Variants in ADAM12 observed in about 807,000 individuals in gnomAD.
ADAM12 encodes the protein disintegrin and metalloproteinase domain-containing protein 12.
In ADAM12, 70 loss-of-function variants were observed where a neutral mutation model predicts 106.4. The observed-to-expected ratio is 0.66, with a 90% CI of 0.54 to 0.80. The LOEUF (loss-of-function observed/expected upper bound fraction) is 0.80. Among genes scored for constraint, ADAM12 ranks in the 30% least tolerant of loss-of-function variants. The pLI is 0.00. For missense variants in ADAM12, 1,010 were observed against 1,171.9 expected, an observed-to-expected ratio of 0.86 and a Z score of 2.02; for synonymous variants, 420 against 433.5, an observed-to-expected ratio of 0.97 and a Z score of 0.39.
chr10:126,376,945 A>G (rs1392192508), intron 1 of ADAM12, among the ~76,000 whole-genome samples: 1 of 152,248 alleles, frequency 6.6e-6, no homozygotes, highest in Non-Finnish European at 1.5e-5. Flanking sequence ...GGAGGTAGAT[A>G]TGATCTTTAT....
intron 3 of ADAM12, among the ~76,000 whole-genome samples, chr10:126,190,120 T>G (rs1957470997): frequency 6.6e-6 from 1 of 152,144 alleles, no homozygotes; most frequent in African/African-American, 2.4e-5. Context: ...ACATCCCATC[T>G]GTCTATCCAG....
chr10:126,067,129 G>A (rs976548511), intron 12 of ADAM12: 7 of 302,214 alleles, frequency 2.3e-5, no homozygotes, highest in Middle Eastern at 1.1e-3. Flanking sequence ...GTGTCCAGGC[G>A]GATCTCATTG....
intron 3 of ADAM12, among the ~76,000 whole-genome samples, chr10:126,202,390 T>C (rs1177203866): frequency 1.3e-5 from 2 of 152,250 alleles, no homozygotes; most frequent in East Asian, 3.8e-4. Flanking sequence ...TTTGTATAAA[T>C]TTAATGACTA....
chr10:126,017,495 C>G (rs1953681650), intron 22 of ADAM12, among the ~76,000 whole-genome samples, 156 bp from the exon 23 acceptor site: 1 of 152,130 alleles, frequency 6.6e-6, no homozygotes, highest in Non-Finnish European at 1.5e-5. Flanking sequence ...AACCTGTCTC[C>G]AAAGCCGCAC....
At chr10:126,299,784 T>C (rs1490437152) in intron 2 of ADAM12, among the ~76,000 whole-genome samples, 2 of 152,042 alleles carry the variant, frequency 1.3e-5, no homozygotes, top group Non-Finnish European at 2.9e-5. Context: ...CCTGGGATTA[T>C]AGGTGCCCAC....
At chr10:126,149,005 C>T (rs1956680452) in intron 4 of ADAM12, among the ~76,000 whole-genome samples, 1 of 152,170 alleles carries the variant, frequency 6.6e-6, no homozygotes, top group South Asian at 2.1e-4. Context: ...TGCAGCCACT[C>T]CCCAGTTAGC....
chr10:126,255,075 A>G (rs1278986814), intron 3 of ADAM12, among the ~76,000 whole-genome samples: 1 of 152,162 alleles, frequency 6.6e-6, no homozygotes, highest in Admixed American at 6.5e-5. Context: ...CAGCTTGGAC[A>G]GCTTTGGGGC....
intron 1 of ADAM12, among the ~76,000 whole-genome samples, chr10:126,361,701 C>T (rs1440329965): frequency 1.3e-5 from 2 of 152,084 alleles, no homozygotes; most frequent in African/African-American, 4.8e-5. Flanking sequence ...GCAGTCTCTT[C>T]AATAAATGGT....
intron 1 of ADAM12, among the ~76,000 whole-genome samples, chr10:126,368,348 T>TAAAAAAAAAAAAAAAAAAACAA (rs1186566541): frequency 7.1e-6 from 1 of 141,084 alleles, no homozygotes; most frequent in Non-Finnish European, 1.5e-5. Flanking sequence ...GCTTAGATTG[T>TAAAAAAAAAAAAAAAAAAACAA]GTGATTTGTT....
At chr10:126,132,535 C>CG (rs1491456698) in intron 5 of ADAM12, among the ~76,000 whole-genome samples, 5 of 123,668 alleles carry the variant, frequency 4.0e-5, no homozygotes, top group Non-Finnish European at 8.8e-5. Context: ...CCCCCCCCCC[C>CG]TCAACTAGTC....
chr10:126,180,912 G>T (rs1269384254), intron 3 of ADAM12, among the ~76,000 whole-genome samples: 1 of 152,130 alleles, frequency 6.6e-6, no homozygotes, highest in Non-Finnish European at 1.5e-5. Flanking sequence ...TTCTAGAGGA[G>T]GAAGAAGTAC....
At position 126,120,907 on chromosome 10, in the gene ADAM12, A is replaced by ATTAC. The variant is rs1956072603; in HGVS notation, c.417-2684_417-2683insGTAA. Among the ~76,000 whole-genome samples, 4 of 139,566 alleles carry ATTAC rather than the reference A, an allele frequency of 2.9e-5. No homozygotes were observed. In the Admixed American group the frequency reaches 3.2e-4, roughly 11 times the overall value. The allele number at this position is 139,566 out of a possible 152,430, so 91.6% of individuals were successfully genotyped here. A position where few individuals can be genotyped will look rare whatever the true frequency, so the allele number is the denominator to read the frequency against. Reference sequence around the variant, plus strand: ...CAATATATAATAATATATATTATATAATATATATGCAATATAATTATATAT... The same window carrying ATTAC: ...CAATATATAATAATATATATTATATATTACATATATATGCAATATAATTATATAT... On this transcript the variant is annotated intron_variant, in intron 5 of 22. Transcript: ENST00000448723.
intron 1 of ADAM12, among the ~76,000 whole-genome samples, chr10:126,375,023 A>AACAACAGGAGACGCAAGGAT (rs1354276597): frequency 1.3e-5 from 2 of 152,210 alleles, no homozygotes; most frequent in African/African-American, 4.8e-5. Context: ...ACTCCTTAAC[A>AACAACAGGAGACGCAAGGAT]ACAACAGGAG....
chr10:126,109,299 AAATT>A (rs1398667865), intron 7 of ADAM12, among the ~76,000 whole-genome samples: 3 of 152,242 alleles, frequency 2.0e-5, no homozygotes, highest in African/African-American at 7.2e-5. Context: ...AACTAATTCA[AAATT>A]AATTAAAATA....
intron 11 of ADAM12, among the ~76,000 whole-genome samples, chr10:126,085,953 C>T (rs1199821756): frequency 2.0e-5 from 3 of 152,146 alleles, no homozygotes; most frequent in Non-Finnish European, 4.4e-5. Context: ...TAATCCTTTA[C>T]CCTACACTGT....
At chr10:126,228,508 T>C (rs900047829) in intron 3 of ADAM12, among the ~76,000 whole-genome samples, 2 of 152,242 alleles carry the variant, frequency 1.3e-5, no homozygotes, top group African/African-American at 4.8e-5. Context: ...TTTAAACATA[T>C]GTTTTTTGAA....
intron 11 of ADAM12, among the ~76,000 whole-genome samples, chr10:126,082,256 A>G (rs1429078857): frequency 1.3e-5 from 2 of 151,374 alleles, no homozygotes; most frequent in African/African-American, 2.4e-5. Context: ...CTCACCCCAC[A>G]TCTTCCGTCC....
At chr10:126,095,503 T>C (rs113914102) in intron 10 of ADAM12, among the ~76,000 whole-genome samples, 2,585 of 120,576 alleles carry the variant, frequency 0.021, 88 homozygotes, top group African/African-American at 0.076. Flanking sequence ...CACTGCACTC[T>C]AGCCTGGGTG....
intron 1 of ADAM12, 121 bp from the exon 2 acceptor site, chr10:126,330,630 C>T (rs1460303861): frequency 5.0e-6 from 4 of 795,474 alleles, no homozygotes; most frequent in Admixed American, 5.9e-5. Flanking sequence ...CAGGGAAACA[C>T]TAGAACCCAT....
Sources: gnomAD v4.1 joint callset for allele counts (sites outside exome capture counted in the v4.1 genomes callset) on GRCh38, gnomAD v4.1.1 for gene constraint, MANE v1.5 for transcripts, NCBI Gene and HGNC (gene_info 2026-07-23, HGNC 2026-07-21) for gene names.